The following CHN2 variants were observed in gnomAD, a reference collection of about 807,000 sequenced individuals.
CHN2 encodes the protein chimerin 2, also known as beta-chimaerin.
In CHN2, 35 loss-of-function variants were observed where a neutral mutation model predicts 56.3. The observed-to-expected ratio is 0.62, with a 90% CI of 0.47 to 0.82. CHN2 has a LOEUF of 0.82. CHN2 is among the 40% of genes least tolerant of loss of function. CHN2 has a pLI of 0.00. For synonymous variants in CHN2, 210 were observed against 212.8 expected (o/e 0.99, Z 0.12); for missense variants, 491 against 580.5 (o/e 0.85, Z 1.58).
chr7:29,349,120 A>AT (rs1797687498), intron 1 of CHN2, among the ~76,000 whole-genome samples: 1 of 152,114 alleles, frequency 6.6e-6, no homozygotes, highest in South Asian at 2.1e-4. Context: ...ATTGTATGTT[A>AT]TTTTTTCTCC....
At chr7:29,219,282 A>G (rs1785587231) in intron 1 of CHN2, among the ~76,000 whole-genome samples, 3 of 152,236 alleles carry the variant, frequency 2.0e-5, no homozygotes, top group Admixed American at 2.0e-4. Context: ...TTTAAAGAGG[A>G]CTGAAATAAG....
intron 1 of CHN2, among the ~76,000 whole-genome samples, chr7:29,323,165 C>T (rs73301239): frequency 1.3e-5 from 2 of 150,344 alleles, no homozygotes; most frequent in Admixed American, 6.6e-5. Flanking sequence ...CCCGTTCCCC[C>T]CCAACAAAAA....
At chr7:29,241,347 A>G (rs750543107) in intron 1 of CHN2, among the ~76,000 whole-genome samples, 6 of 152,144 alleles carry the variant, frequency 3.9e-5, no homozygotes, top group Non-Finnish European at 5.9e-5. Flanking sequence ...AGTCCCTGCT[A>G]GAGTGCTTCC....
chr7:29,234,864 G>T (rs1293687977), intron 1 of CHN2, among the ~76,000 whole-genome samples: 1 of 152,142 alleles, frequency 6.6e-6, no homozygotes, highest in Admixed American at 6.5e-5. Context: ...TTTTCCCAAG[G>T]TCTCATTTGT....
intron 2 of CHN2, among the ~76,000 whole-genome samples, chr7:29,170,690 T>A (rs1350375605): frequency 6.6e-6 from 1 of 152,180 alleles, no homozygotes; most frequent in Non-Finnish European, 1.5e-5. Context: ...ACTGTATTAG[T>A]CTGTTTTCAC....
intron 1 of CHN2, among the ~76,000 whole-genome samples, chr7:29,322,847 G>T (rs1000436073): frequency 6.6e-6 from 1 of 152,152 alleles, no homozygotes; most frequent in Non-Finnish European, 1.5e-5. Flanking sequence ...ACCTCCTGAA[G>T]CAACTTTTGG....
At chr7:29,460,524 A>G (rs1238016842) in intron 6 of CHN2, among the ~76,000 whole-genome samples, 1 of 152,212 alleles carries the variant, frequency 6.6e-6, no homozygotes, top group East Asian at 1.9e-4. Flanking sequence ...TTTCTAATTC[A>G]TAGATGTTCC....
rs370465289 is a variant in CHN2 at position 29,429,878 on chromosome 7, G to A, written c.576+29050G>A. ...TATATAGGAACCTTGCGTAATTAGC[G>A]TATAGCTATTTAAGCTTCGTAGCTA... On this transcript the variant is annotated intron_variant, in intron 6 of 12. Coordinates refer to ENST00000222792, the MANE Select transcript of CHN2 (RefSeq NM_004067.4). Among the ~76,000 whole-genome samples, 49 of 152,218 alleles carry A rather than the reference G, an allele frequency of 3.2e-4. No individual in the cohort carries two copies. The East Asian group carries it at 7.1e-3, about 22-fold the overall frequency.
At chr7:29,479,794 G>C in intron 6 of CHN2, 1 of 1,215,554 alleles carries the variant, frequency 8.2e-7, no homozygotes, top group Non-Finnish European at 1.0e-6. Context: ...GCAGGCTGCC[G>C]GCCCCTGCCT....
intron 1 of CHN2, among the ~76,000 whole-genome samples, chr7:29,241,112 C>T (rs555455571): frequency 1.3e-5 from 2 of 152,254 alleles, no homozygotes; most frequent in African/African-American, 4.8e-5. Flanking sequence ...TCTTGACCTC[C>T]TGACCTCAAG....
At chr7:29,389,019 C>G (rs1801153774) in intron 3 of CHN2, among the ~76,000 whole-genome samples, 1 of 152,174 alleles carries the variant, frequency 6.6e-6, no homozygotes, top group Non-Finnish European at 1.5e-5. Context: ...GCTCTGCTTT[C>G]ATTTCTGCCA....
chr7:29,246,113 G>A (rs541466774), intron 1 of CHN2, among the ~76,000 whole-genome samples: 4 of 152,288 alleles, frequency 2.6e-5, no homozygotes, highest in African/African-American at 9.6e-5. Context: ...CAAGGAAGTT[G>A]TGTTACCAAG....
intron 1 of CHN2, among the ~76,000 whole-genome samples, chr7:29,215,291 TAGAC>T (rs1425359987): frequency 6.6e-6 from 1 of 152,228 alleles, no homozygotes; most frequent in Non-Finnish European, 1.5e-5. Flanking sequence ...GTACAGCCCT[TAGAC>T]AGAAAAGAAG....
chr7:29,378,215 C>T (rs1800221686), intron 3 of CHN2, among the ~76,000 whole-genome samples: 1 of 152,180 alleles, frequency 6.6e-6, no homozygotes, highest in South Asian at 2.1e-4. Flanking sequence ...TTTTCTACCT[C>T]AGTTCATTGT....
At chr7:29,261,829 G>A (rs1789579590) in intron 1 of CHN2, among the ~76,000 whole-genome samples, 2 of 152,196 alleles carry the variant, frequency 1.3e-5, no homozygotes, top group Admixed American at 6.5e-5. Flanking sequence ...GTTAGATATC[G>A]TTATACACAA....
chr7:29,195,629 A>AGTGT (rs70980513), intron 1 of CHN2, among the ~76,000 whole-genome samples: 99 of 117,550 alleles, frequency 8.4e-4, no homozygotes, highest in South Asian at 5.1e-3. Context: ...AGAGAGAGAG[A>AGTGT]GTGTGTGTGT....
intron 4 of CHN2, among the ~76,000 whole-genome samples, chr7:29,394,960 A>G (rs1801628546): frequency 6.6e-6 from 1 of 152,230 alleles, no homozygotes; most frequent in Non-Finnish European, 1.5e-5. Flanking sequence ...AACATCTTTT[A>G]TTAGATGGTA....
intron 7 of CHN2, chr7:29,483,714 T>G (rs1562646187): frequency 2.1e-6 from 1 of 486,514 alleles, no homozygotes; most frequent in African/African-American, 2.1e-5. Context: ...TTTTGAATGG[T>G]CCACCCTAAT....
chr7:29,492,008 G>C (rs1788715380), intron 7 of CHN2, among the ~76,000 whole-genome samples: 1 of 152,112 alleles, frequency 6.6e-6, no homozygotes, highest in Non-Finnish European at 1.5e-5. Context: ...CTTCCTCCTA[G>C]ATTCAATTTG....
Sources: gnomAD v4.1 joint callset for allele counts (sites outside exome capture counted in the v4.1 genomes callset) on GRCh38, gnomAD v4.1.1 for gene constraint, MANE v1.5 for transcripts, NCBI Gene and HGNC (gene_info 2026-07-23, HGNC 2026-07-21) for gene names.